Variants in C4orf36 observed in about 807,000 individuals in gnomAD.
C4orf36 encodes the protein chromosome 4 open reading frame 36.
C4orf36 carries 11 observed loss-of-function variants against 12.2 expected under a neutral mutation model. The observed-to-expected ratio is 0.90, with a 90% CI of 0.57 to 1.49. The LOEUF is 1.49. C4orf36 is among the 40% of genes most tolerant of loss of function. C4orf36 has a pLI of 0.00. For synonymous variants in C4orf36, 54 were observed against 51.3 expected (o/e 1.05, Z -0.22); for missense variants, 137 against 133.9 (o/e 1.02, Z -0.11).
At chr4:86,878,919 A>C (rs113391989) in intron 4 of C4orf36, among the ~76,000 whole-genome samples, 1 of 152,212 alleles carries the variant, frequency 6.6e-6, no homozygotes, top group African/African-American at 2.4e-5. Context: ...TTTAACTGGG[A>C]AGTTATACAC....
At chr4:86,904,246 G>GC in the C4orf36 span, among the ~76,000 whole-genome samples, 7 of 152,326 alleles carry the variant, frequency 4.6e-5, no homozygotes, top group South Asian at 1.4e-3. Context: ...ACCCGCGCCG[G>GC]CTAGCGAGCG....
chr4:86,931,891 C>T, the C4orf36 span, among the ~76,000 whole-genome samples: 89 of 151,780 alleles, frequency 5.9e-4, no homozygotes, highest in Non-Finnish European at 8.1e-4. Flanking sequence ...AAAAATTGGC[C>T]GGGCGTGGTG....
At chr4:86,876,720 T>G in intron 4 of C4orf36, 5 of 1,560,548 alleles carry the variant, frequency 3.2e-6, no homozygotes, top group Admixed American at 1.9e-5. Flanking sequence ...CTATTCAGAA[T>G]TTAGGAAAGT....
the C4orf36 span, chr4:86,914,857 G>A: frequency 2.4e-6 from 1 of 421,306 alleles, no homozygotes; most frequent in Non-Finnish European, 4.5e-6. Flanking sequence ...TGGGGTCGGG[G>A]GAGTCCGGAC....
chr4:86,914,390 CCTT>C, the C4orf36 span: 2 of 557,364 alleles, frequency 3.6e-6, no homozygotes, highest in Admixed American at 3.5e-5. Flanking sequence ...TCTTCTTCTT[CCTT>C]TTTTTTTTTT....
the C4orf36 span, among the ~76,000 whole-genome samples, chr4:86,916,578 C>T: frequency 6.6e-6 from 1 of 152,116 alleles, no homozygotes; most frequent in Non-Finnish European, 1.5e-5. Context: ...GATATGGCAC[C>T]ATTGCCATAT....
At chr4:86,919,315 CTTTTTTTTTTTTTTTT>C in the C4orf36 span, among the ~76,000 whole-genome samples, 2 of 81,354 alleles carry the variant, frequency 2.5e-5, no homozygotes, top group East Asian at 3.9e-4. Context: ...TTTTTTCCCC[CTTTTTTTTTTTTTTTT>C]TTTTTTTTTG....
At chr4:86,931,959 C>T in the C4orf36 span, among the ~76,000 whole-genome samples, 3 of 150,592 alleles carry the variant, frequency 2.0e-5, no homozygotes, top group African/African-American at 4.9e-5. Flanking sequence ...GGCGTGAACC[C>T]GGGAGACGGA....
the C4orf36 span, among the ~76,000 whole-genome samples, chr4:86,912,667 C>T: frequency 6.6e-6 from 1 of 152,136 alleles, no homozygotes; most frequent in Non-Finnish European, 1.5e-5. Flanking sequence ...CTCCCAGGTC[C>T]TTTCAGGGGA....
At chr4:86,894,193 G>A (rs1432042736), upstream of C4orf36, among the ~76,000 whole-genome samples, 2 of 152,258 alleles carry the variant, frequency 1.3e-5, no homozygotes, top group African/African-American at 2.4e-5. Context: ...CACCGCGCCC[G>A]GTCTTTGGCC....
intron 4 of C4orf36, among the ~76,000 whole-genome samples, chr4:86,885,368 T>G (rs1237448738): frequency 6.6e-6 from 1 of 152,172 alleles, no homozygotes; most frequent in East Asian, 1.9e-4. Flanking sequence ...TCCTCTTTTA[T>G]TTCGTTGAGC....
At chr4:86,910,706 G>A in the C4orf36 span, among the ~76,000 whole-genome samples, 67 of 152,192 alleles carry the variant, frequency 4.4e-4, no homozygotes, top group African/African-American at 7.2e-4. Context: ...AAGGGAAATC[G>A]GTCCATGGCA....
At chr4:86,877,715 T>C (rs1454569292) in intron 4 of C4orf36, among the ~76,000 whole-genome samples, 1 of 152,200 alleles carries the variant, frequency 6.6e-6, no homozygotes, top group Non-Finnish European at 1.5e-5. Flanking sequence ...ATTCAGATAA[T>C]GGCTTCTAAA....
At chr4:86,913,592 G>C in the C4orf36 span, 1 of 1,341,432 alleles carries the variant, frequency 7.5e-7, no homozygotes, top group Non-Finnish European at 1.1e-6. Context: ...TCTGTTCTCT[G>C]AGACAAATGA....
the C4orf36 span, among the ~76,000 whole-genome samples, chr4:86,910,735 AG>A: frequency 6.6e-6 from 1 of 152,150 alleles, no homozygotes; most frequent in Admixed American, 6.6e-5. Flanking sequence ...AATGGTTTAG[AG>A]GACATAAAAG....
At chr4:86,896,362 C>T (rs965030519), upstream of C4orf36, among the ~76,000 whole-genome samples, 10 of 152,260 alleles carry the variant, frequency 6.6e-5, no homozygotes, top group South Asian at 8.3e-4. Flanking sequence ...TCGTCATTCT[C>T]ATTTCAAAAA....
Position 86,876,417 on chromosome 4 carries a change from T to G in C4orf36, c.*29A>C. 1 of 1,613,032 alleles carries G rather than the reference T, an allele frequency of 6.2e-7. No homozygotes were observed. Among genetic ancestry groups the G allele is most frequent in the South Asian group, 1.1e-5 (1 of 91,028 alleles). On this transcript the variant is annotated 3_prime_UTR_variant, in exon 5 of 5. Coordinates refer to ENST00000295898, the MANE Select transcript of C4orf36 (RefSeq NM_144645.4). ...GCAGTTCCCGCCGGCGCTGCTGAGT[T>G]TCTTCATCTACAATCCGCGCTTCAG...
the C4orf36 span, chr4:86,925,720 TTATG>T: frequency 6.6e-6 from 1 of 152,042 alleles, no homozygotes; most frequent in African/African-American, 2.4e-5. Context: ...AATTTCTTCT[TTATG>T]TATGTTACTT....
chr4:86,891,914 G>A (rs1747431710), intron 1 of C4orf36: 33 of 876,460 alleles, frequency 3.8e-5, no homozygotes, highest in Non-Finnish European at 4.6e-5. Context: ...AGTGCTGAGC[G>A]ACCAAAGGCT....
Sources: allele counts gnomAD v4.1 joint callset (sites outside exome capture counted in the v4.1 genomes callset), GRCh38; gene constraint gnomAD v4.1.1; transcripts MANE v1.5; gene names NCBI Gene and HGNC (gene_info 2026-07-23, HGNC 2026-07-21).